PUS7: variants seen among roughly 807,000 people sequenced by gnomAD.
The protein encoded by PUS7 is pseudouridine synthase 7.
A neutral mutation model predicts 79.8 loss-of-function variants in PUS7; 48 were observed. The ratio of observed to expected loss-of-function variants is 0.60; its 90% CI spans 0.48 to 0.76. The LOEUF is 0.76. PUS7 is among the 30% of genes least tolerant of loss of function. The pLI is 0.00. For synonymous variants in PUS7, 286 were observed against 272.2 expected (o/e 1.05, Z -0.50); for missense variants, 729 against 797.6 (o/e 0.91, Z 1.04).
Position 105,457,756 on chromosome 7 carries a change from G to C in PUS7, c.*34C>G, listed in dbSNP as rs1823244525. On this transcript the variant is annotated 3_prime_UTR_variant, in exon 16 of 16. Transcript: ENST00000469408. ...ACAGGGAGCCAGGAAGCAAACACTT[G>C]TGTACGTTTTCTAATCTGTGGACAA... The C allele has an allele frequency of 1.9e-6, 3 of 1,606,358 alleles. No homozygotes were observed. The highest frequency in any genetic ancestry group is 8.5e-7 in the Non-Finnish European group (1 of 1,175,536).
chr7:105,462,037 C>A (rs1823449231), intron 14 of PUS7, among the ~76,000 whole-genome samples: 1 of 144,402 alleles, frequency 6.9e-6, no homozygotes, highest in Admixed American at 7.0e-5. Flanking sequence ...AAAGAACCTG[C>A]CTCTATTAAG....
intron 7 of PUS7, 134 bp from the exon 8 acceptor site, chr7:105,482,574 G>A (rs1234096885): frequency 1.4e-5 from 12 of 878,060 alleles, no homozygotes; most frequent in Non-Finnish European, 1.9e-5. Flanking sequence ...AAAAGGCACT[G>A]CAGCAGGTGA....
intron 1 of PUS7, among the ~76,000 whole-genome samples, chr7:105,516,068 T>C (rs948485805): frequency 2.0e-5 from 3 of 151,894 alleles, no homozygotes; most frequent in African/African-American, 7.3e-5. Flanking sequence ...CTCAAACTTG[T>C]AAAGTGCTGG....
At position 105,508,354 on chromosome 7, in the gene PUS7, G is replaced by A; in HGVS notation, c.159C>T (p.Ser53=). 6.2e-7 allele frequency: 1 copy of A among 1,614,082 alleles called. No homozygotes were observed. Among genetic ancestry groups the A allele is most frequent in the South Asian group, 1.1e-5 (1 of 91,078 alleles). ...GAGGCCGAGGCACGTCTTCACTGAT[G>A]GACAGAAAGTCATTCTGTAGCCCAT... ...GQDGLQNDFL[S]ISEDVPRPPD... Residue 53 remains serine, a synonymous_variant, in exon 2 of 16, where the codon TCC becomes TCT. Transcript: ENST00000469408.
At chr7:105,520,093 G>A (rs1441082515) in intron 1 of PUS7, among the ~76,000 whole-genome samples, 1 of 152,224 alleles carries the variant, frequency 6.6e-6, no homozygotes, top group Non-Finnish European at 1.5e-5. Flanking sequence ...GAAGGCTGAG[G>A]CGGGTGGATC....
intron 10 of PUS7, 37 bp from the exon 11 acceptor site, chr7:105,470,885 C>T (rs1031919806): frequency 6.6e-7 from 1 of 1,517,476 alleles, no homozygotes; most frequent in South Asian, 1.3e-5. Context: ...ATGACTTACC[C>T]AATAGACAGA....
chr7:105,480,604 C>G (rs1049128068), intron 9 of PUS7, among the ~76,000 whole-genome samples: 4 of 152,072 alleles, frequency 2.6e-5, no homozygotes, highest in Admixed American at 2.0e-4. Context: ...TGGAGAAACC[C>G]CATCTCTACT....
At chr7:105,488,901 C>A (rs1824664161) in intron 7 of PUS7, among the ~76,000 whole-genome samples, 1 of 152,078 alleles carries the variant, frequency 6.6e-6, no homozygotes, top group South Asian at 2.1e-4. Context: ...GTAATCCCAG[C>A]ACTTTGGGAG....
At chr7:105,498,791 T>G (rs187923270) in intron 5 of PUS7, among the ~76,000 whole-genome samples, 35 of 152,282 alleles carry the variant, frequency 2.3e-4, no homozygotes, top group South Asian at 1.9e-3. Context: ...TTTTTGAAAA[T>G]ATATATTTTT....
At chr7:105,495,091 T>C (rs1363305135) in intron 6 of PUS7, 51 bp downstream of exon 6, 6 of 1,053,710 alleles carry the variant, frequency 5.7e-6, no homozygotes, top group Non-Finnish European at 7.2e-6. Flanking sequence ...GAAAAAGGAA[T>C]ATACGTTTCT....
chr7:105,517,924 C>G (rs2133300539), intron 1 of PUS7, among the ~76,000 whole-genome samples: 1 of 152,270 alleles, frequency 6.6e-6, no homozygotes, highest in South Asian at 2.1e-4. Context: ...CCGAGGTGGG[C>G]AGATCACAAG....
intron 12 of PUS7, among the ~76,000 whole-genome samples, chr7:105,465,817 G>C (rs757991755): frequency 1.3e-5 from 2 of 151,436 alleles, no homozygotes; most frequent in African/African-American, 2.4e-5. Flanking sequence ...TGGGTGACAA[G>C]AGTGAAACTC....
At position 105,515,253 on chromosome 7, in the gene PUS7, T is replaced by C. The variant is rs546133629; in HGVS notation, c.-32-6709A>G. On this transcript the variant is annotated intron_variant, in intron 1 of 15. Coordinates refer to ENST00000469408, the MANE Select transcript of PUS7 (RefSeq NM_019042.5). Reference sequence around the variant, plus strand: ...GAAACACTGCCTATAACCAATCAAATTGCTGTAACTATGTGAAAACCCTGT... The same window carrying C: ...GAAACACTGCCTATAACCAATCAAACTGCTGTAACTATGTGAAAACCCTGT... 9.2e-5 allele frequency among the ~76,000 whole-genome samples: 14 copies of C among 152,288 alleles called. No homozygotes were observed. In the South Asian group the frequency reaches 2.9e-3, roughly 32 times the overall value.
At chr7:105,458,293 T>C (rs1317378570) in intron 15 of PUS7, among the ~76,000 whole-genome samples, 1 of 152,022 alleles carries the variant, frequency 6.6e-6, no homozygotes, top group Non-Finnish European at 1.5e-5. Context: ...CAGAGTCTTG[T>C]TATGTTGCCC....
intron 1 of PUS7, among the ~76,000 whole-genome samples, chr7:105,516,861 CTA>C (rs1825915875): frequency 6.6e-6 from 1 of 152,050 alleles, no homozygotes; most frequent in Admixed American, 6.6e-5. Context: ...ACAAGCCTGA[CTA>C]CCCCAAGGTG....
At chr7:105,485,458 C>T (rs955103974) in intron 7 of PUS7, among the ~76,000 whole-genome samples, 5 of 152,232 alleles carry the variant, frequency 3.3e-5, no homozygotes, top group Non-Finnish European at 7.3e-5. Context: ...GATCTGCCCG[C>T]CCTAGCCTCC....
rs1373055978 is a variant in PUS7 at position 105,459,224 on chromosome 7, A to G, written c.1793T>C (p.Leu598Pro). The change falls in exon 15 of 16, where the codon CTT (leucine) becomes CCT (proline). Residue 598 changes from leucine (L) to proline (P), a missense_variant. Leu to Pro is a moderately conservative substitution (Grantham distance 98). Coordinates refer to ENST00000469408, the MANE Select transcript of PUS7 (RefSeq NM_019042.5). ...TAGGTTGTCCACATCTGTGTTGAAA[A>G]GTGGAATTTTGGGATCATCATATGC... Reference protein sequence around the residue: ...VVAYDDPKIPLFNTDVDNLEG... With the variant: ...VVAYDDPKIPPFNTDVDNLEG... The G allele has an allele frequency of 6.2e-7, 1 of 1,611,786 alleles. No homozygotes were observed. Among genetic ancestry groups the G allele is most frequent in the East Asian group, 2.2e-5 (1 of 44,796 alleles).
intron 12 of PUS7, among the ~76,000 whole-genome samples, chr7:105,468,000 T>G (rs1179978489): frequency 6.6e-6 from 1 of 152,004 alleles, no homozygotes; most frequent in Admixed American, 6.6e-5. Context: ...TGGCACCATC[T>G]TGGCTCACTG....
At chr7:105,468,522 CT>C (rs548213122) in intron 11 of PUS7, 59 bp from the exon 12 acceptor site, 120,690 of 1,087,306 alleles carry the variant, frequency 0.11, no homozygotes, top group South Asian at 0.15. Context: ...AAGTGCTGTA[CT>C]TTTTTTTTTT....
Sources: gnomAD v4.1 joint callset for allele counts (sites outside exome capture counted in the v4.1 genomes callset) on GRCh38, gnomAD v4.1.1 for gene constraint, MANE v1.5 for transcripts, NCBI Gene and HGNC (gene_info 2026-07-23, HGNC 2026-07-21) for gene names.